YME1L1: variants seen among roughly 807,000 people sequenced by gnomAD.
YME1L1 encodes ATP-dependent zinc metalloprotease YME1L1.
In YME1L1, 39 loss-of-function variants were observed where a neutral mutation model predicts 90.4. That is an observed-to-expected ratio of 0.43 (90% CI 0.33 to 0.56). The LOEUF is 0.56. Among genes scored for constraint, YME1L1 ranks in the 20% least tolerant of loss-of-function variants. The pLI, the probability that YME1L1 is intolerant of heterozygous loss-of-function variation, is 0.03. For missense variants in YME1L1, 617 were observed against 868.4 expected (o/e 0.71, Z 3.64); for synonymous variants, 284 against 287.3 (o/e 0.99, Z 0.12).
rs561509485 is a variant in YME1L1 at position 27,122,151 on chromosome 10, G to A, written c.1235+690C>T. 1.1e-4 allele frequency among the ~76,000 whole-genome samples: 16 copies of A among 152,262 alleles called. No individual in the cohort carries two copies. In the East Asian group the frequency reaches 2.7e-3, roughly 26 times the overall value. On this transcript the variant is annotated intron_variant, in intron 11 of 18. Coordinates refer to ENST00000376016, the MANE Select transcript of YME1L1 (RefSeq NM_014263.4). ...TTCCAAAAGTCCTGGCATTACAGGC[G>A]TGAGCCACCATGCCCAGCTTCATTA...
chr10:27,134,581 A>G (rs3780920), intron 6 of YME1L1, among the ~76,000 whole-genome samples: 76,031 of 152,156 alleles, frequency 0.5, 21,718 homozygotes, highest in Non-Finnish European at 0.65. Flanking sequence ...TCTCAAAAAC[A>G]AACACAAACA....
At chr10:27,148,628 TTA>T (rs2057172129) in intron 2 of YME1L1, among the ~76,000 whole-genome samples, 1 of 152,202 alleles carries the variant, frequency 6.6e-6, no homozygotes, top group Non-Finnish European at 1.5e-5. Context: ...TTTCTCTTCC[TTA>T]TGATTTTCTT....
At chr10:27,120,370 C>A in intron 13 of YME1L1, 65 bp downstream of exon 13, 1 of 1,181,406 alleles carries the variant, frequency 8.5e-7, no homozygotes, top group Non-Finnish European at 1.2e-6. Context: ...ATGAAAGGAC[C>A]ACAAACAGGG....
At chr10:27,116,939 C>G (rs2056819785) in intron 15 of YME1L1, among the ~76,000 whole-genome samples, 1 of 152,064 alleles carries the variant, frequency 6.6e-6, no homozygotes, top group South Asian at 2.1e-4. Context: ...AATTTCAGCA[C>G]CGTAAGACTG....
intron 1 of YME1L1, among the ~76,000 whole-genome samples, chr10:27,149,757 T>A (rs887280687): frequency 1.4e-3 from 68 of 47,002 alleles, no homozygotes; most frequent in East Asian, 2.4e-3. Context: ...CAGAATGAAA[T>A]ACATCCAACA....
chr10:27,112,211 T>C, intron 18 of YME1L1, 91 bp from the exon 19 acceptor site: 2 of 1,130,418 alleles, frequency 1.8e-6, no homozygotes, highest in Non-Finnish European at 1.3e-6. Context: ...TTATGTACCC[T>C]AAAAAATATG....
intron 4 of YME1L1, among the ~76,000 whole-genome samples, chr10:27,137,741 T>A (rs1014580251): frequency 6.6e-6 from 1 of 152,182 alleles, no homozygotes; most frequent in East Asian, 1.9e-4. Context: ...TGACTATTTT[T>A]ATTTTTATTT....
chr10:27,145,508 C>T lies in YME1L1; in HGVS notation c.251G>A (p.Gly84Glu), dbSNP rs1564468256. Residue 84 changes from glycine to glutamate, a missense_variant, in exon 3 of 19, where the codon GGA (glycine) becomes GAA (glutamate). By Grantham distance (98) the Gly-to-Glu change is moderately conservative. Transcript: ENST00000376016. ...AGAAATGTTTTTGCCTTTACAAAAT[C>T]CAGGAAGTAGATTTTCTACCAGCTG... ...IDQLVENLLPGFCKGKNISSH... is the reference protein window; with the variant it reads ...IDQLVENLLPEFCKGKNISSH... 4.3e-6 allele frequency: 7 copies of T among 1,613,482 alleles called. No homozygotes were observed. Among genetic ancestry groups the T allele is most frequent in the African/African-American group, 2.7e-5 (2 of 74,898 alleles).
chr10:27,142,304 G>T, intron 4 of YME1L1, 83 bp downstream of exon 4: 1 of 791,006 alleles, frequency 1.3e-6, no homozygotes, highest in South Asian at 3.9e-5. Context: ...TGAATGTTTA[G>T]AATTAATACC....
intron 4 of YME1L1, among the ~76,000 whole-genome samples, chr10:27,141,125 G>A (rs939269817): frequency 1.2e-4 from 19 of 152,150 alleles, no homozygotes; most frequent in African/African-American, 3.6e-4. Flanking sequence ...GCCTGGCACC[G>A]TGGCTCATGC....
chr10:27,113,669 T>C (rs1194421519), intron 18 of YME1L1, among the ~76,000 whole-genome samples: 3 of 138,998 alleles, frequency 2.2e-5, no homozygotes, highest in Admixed American at 1.5e-4. Flanking sequence ...CAGAACTCTG[T>C]CTCAAAAAAA....
intron 2 of YME1L1, chr10:27,147,512 A>G: frequency 6.2e-7 from 1 of 1,611,012 alleles, no homozygotes; most frequent in African/African-American, 1.4e-5. Context: ...ATTGAGAGGG[A>G]GAAGGGTTCT....
chr10:27,136,772 CAGGCTGGAGTGCA>C (rs1167532166), intron 4 of YME1L1, among the ~76,000 whole-genome samples: 1 of 150,782 alleles, frequency 6.6e-6, no homozygotes, highest in Admixed American at 6.6e-5. Context: ...TCTTGTTGCC[CAGGCTGGAGTGCA>C]AGGCATTGCT....
chr10:27,139,366 G>A (rs902729721), intron 4 of YME1L1, among the ~76,000 whole-genome samples: 2 of 151,982 alleles, frequency 1.3e-5, no homozygotes, highest in South Asian at 2.1e-4. Context: ...GCTAATTTTT[G>A]TTGCTGTTGT....
At chr10:27,145,619 C>T (rs1355022295) in intron 2 of YME1L1, 29 bp from the exon 3 acceptor site, 1 of 1,566,480 alleles carries the variant, frequency 6.4e-7, no homozygotes, top group Non-Finnish European at 8.7e-7. Context: ...ACCAGGTATG[C>T]ATTAATATTA....
chr10:27,135,746 A>G (rs545014240), intron 5 of YME1L1, among the ~76,000 whole-genome samples: 9 of 152,330 alleles, frequency 5.9e-5, no homozygotes, highest in African/African-American at 2.2e-4. Flanking sequence ...GGAGGTAAGC[A>G]ATAAAGCAGA....
intron 4 of YME1L1, among the ~76,000 whole-genome samples, chr10:27,142,021 G>A (rs896228376): frequency 4.6e-5 from 7 of 151,840 alleles, no homozygotes; most frequent in Non-Finnish European, 8.8e-5. Flanking sequence ...CAAATTTCTC[G>A]TCCGTTAACG....
chr10:27,151,058 T>C (rs1266383156), intron 1 of YME1L1, among the ~76,000 whole-genome samples: 1 of 151,702 alleles, frequency 6.6e-6, no homozygotes, highest in African/African-American at 2.4e-5. Flanking sequence ...CCCGAGTAGC[T>C]GGGACTACAG....
At chr10:27,148,236 G>A (rs1216295269) in intron 2 of YME1L1, among the ~76,000 whole-genome samples, 2 of 151,334 alleles carry the variant, frequency 1.3e-5, no homozygotes, top group Non-Finnish European at 2.9e-5. Flanking sequence ...ACAGAGTCTT[G>A]TTGTCACCCA....
Sources: allele counts gnomAD v4.1 joint callset (sites outside exome capture counted in the v4.1 genomes callset), GRCh38; gene constraint gnomAD v4.1.1; transcripts MANE v1.5; gene names NCBI Gene and HGNC (gene_info 2026-07-23, HGNC 2026-07-21).